The following CAPN15 variants were observed in gnomAD, a reference collection of about 807,000 sequenced individuals.
CAPN15 encodes the protein calpain-15.
A neutral mutation model predicts 97.9 loss-of-function variants in CAPN15; 53 were observed. That is an observed-to-expected ratio of 0.54 (90% CI 0.43 to 0.68). CAPN15 has a LOEUF of 0.68. CAPN15 is among the 30% of genes least tolerant of loss of function. The pLI, the probability that CAPN15 is intolerant of heterozygous loss-of-function variation, is 0.00. For synonymous variants in CAPN15, 922 were observed against 722.5 expected (o/e 1.28, Z -4.43); for missense variants, 1,592 against 1,589.8 (o/e 1.00, Z -0.02).
In CAPN15 at chr16:532,271, C is replaced by T. The variant is rs188290511; in HGVS notation, c.-189-1675C>T. ...AAAAAAAAGAAAAAAAAGTAGAATT[C>T]GGTTGGGCTCAGTGGCTCATGCGTG... On this transcript the variant is annotated intron_variant, in intron 1 of 13. Coordinates refer to ENST00000219611, the MANE Select transcript of CAPN15 (RefSeq NM_005632.3). 1.4e-3 allele frequency among the ~76,000 whole-genome samples: 215 copies of T among 148,634 alleles called. 1 individual carries two copies. Among genetic ancestry groups the T allele is most frequent in the African/African-American group, 5.1e-3 (205 of 40,216 alleles).
Position 535,974 on chromosome 16 carries a change from C to A in CAPN15, c.-136-55C>A. ...CTGCTGTCCCTCGGCCTGGCCTGGG[C>A]ACACTCCTTGGTGACAGTGCCCCTG... On this transcript the variant is annotated intron_variant, in intron 2 of 13. Transcript: ENST00000219611. The surrounding 1 kb of genome is among the most constrained non-coding windows in gnomAD (Gnocchi z 6.2). 3.8e-6 allele frequency: 2 copies of A among 523,502 alleles called. No homozygotes were observed. Among genetic ancestry groups the A allele is most frequent in the Non-Finnish European group, 4.8e-6 (2 of 418,674 alleles). The allele number at this position is 523,502 out of a possible 1,614,324, so 32.4% of individuals were successfully genotyped here. A position where few individuals can be genotyped will look rare whatever the true frequency, so the allele number is the denominator to read the frequency against.
chr16:544,471 C>A (rs78069676), intron 3 of CAPN15, among the ~76,000 whole-genome samples: 1 of 152,128 alleles, frequency 6.6e-6, no homozygotes, highest in East Asian at 1.9e-4. Context: ...CAGTCACAGG[C>A]CCGCGGCCTC....
intron 1 of CAPN15, among the ~76,000 whole-genome samples, chr16:529,450 G>T (rs554458582): frequency 6.6e-6 from 1 of 152,226 alleles, no homozygotes; most frequent in Non-Finnish European, 1.5e-5. Context: ...ACCGAAGCTG[G>T]AGACAGCTGT....
At position 547,591 on chromosome 16, in the gene CAPN15, TC is replaced by T; in HGVS notation, c.760del (p.Gln254SerfsTer33). 4.4e-6 allele frequency: 7 copies of T among 1,574,302 alleles called. No homozygotes were observed. Among genetic ancestry groups the T allele is most frequent in the Admixed American group, 1.7e-5 (1 of 58,542 alleles). On this transcript the variant is annotated frameshift_variant, in exon 4 of 14. Coordinates refer to ENST00000219611, the MANE Select transcript of CAPN15 (RefSeq NM_005632.3). LOFTEE classifies it high-confidence loss of function. ...NPVPRSRREVPPQLQPPVPEA... is the reference protein window; with the variant it reads ...NPVPRSRREVXPQLQPPVPEA... ...CCGTGCCGCGCAGCCGACGCGAGGT[TC>T]CCCCCCAGCTGCAGCCACCGGTGCC...
chr16:533,453 G>A (rs1309599604), intron 1 of CAPN15, among the ~76,000 whole-genome samples: 1 of 152,160 alleles, frequency 6.6e-6, no homozygotes, highest in Non-Finnish European at 1.5e-5. Flanking sequence ...CTCGGGCTGG[G>A]GTCCGGGGGA....
chr16:548,936 G>A, intron 4 of CAPN15, 57 bp from the exon 5 acceptor site: 1 of 1,536,120 alleles, frequency 6.5e-7, no homozygotes, highest in Admixed American at 1.7e-5. Flanking sequence ...TCTTGTCCCT[G>A]CCAGGTGGAG....
Position 551,552 on chromosome 16 carries a change from A to G in CAPN15, c.2233A>G (p.Asn745Asp), listed in dbSNP as rs2035079800. Reference protein sequence around the residue: ...LRNPWGRFSWNGSWSDEWPHW... With the variant: ...LRNPWGRFSWDGSWSDEWPHW... ...AAACCCGTGGGGCCGTTTCTCCTGGAACGGCAGCTGGTCCGACGAGTGGCC... is the reference window on the plus strand; with the variant it reads ...AAACCCGTGGGGCCGTTTCTCCTGGGACGGCAGCTGGTCCGACGAGTGGCC... Residue 745 changes from asparagine to aspartate, a missense_variant, in exon 9 of 14, where the codon AAC becomes GAC. Transcript: ENST00000219611. 6.2e-7 allele frequency: 1 copy of G among 1,611,648 alleles called. No homozygotes were observed. Among genetic ancestry groups the G allele is most frequent in the Admixed American group, 1.7e-5 (1 of 60,004 alleles).
chr16:549,242 G>GGGGGGGGGGGT, intron 5 of CAPN15, 41 bp downstream of exon 5: 1 of 298,896 alleles, frequency 3.3e-6, no homozygotes, highest in Admixed American at 4.7e-5. Flanking sequence ...GGGTGGGCGG[G>GGGGGGGGGGGT]CGACCGGCCG....
At chr16:534,778 C>A (rs983689764) in intron 2 of CAPN15, among the ~76,000 whole-genome samples, 2 of 152,182 alleles carry the variant, frequency 1.3e-5, no homozygotes, top group African/African-American at 4.8e-5. Flanking sequence ...GACACAGGGG[C>A]CCCCGCTTTC....
intron 3 of CAPN15, among the ~76,000 whole-genome samples, chr16:546,346 C>G (rs982090739): frequency 6.6e-6 from 1 of 152,254 alleles, no homozygotes; most frequent in Non-Finnish European, 1.5e-5. Context: ...GTCTCGGAGG[C>G]TGTGCTGTGG....
At chr16:545,353 C>G (rs2034512629) in intron 3 of CAPN15, among the ~76,000 whole-genome samples, 1 of 152,034 alleles carries the variant, frequency 6.6e-6, no homozygotes, top group Non-Finnish European at 1.5e-5. Flanking sequence ...TGACCCCTGA[C>G]CCCTGGCCCC....
In CAPN15 at chr16:552,070, A is replaced by C; in HGVS notation, c.2365A>C (p.Ile789Leu). Residue 789 changes from isoleucine (I) to leucine (L), a missense_variant, in exon 10 of 14, where the codon ATC (isoleucine) becomes CTC (leucine). By Grantham distance (5) the Ile-to-Leu change is conservative. Coordinates refer to ENST00000219611, the MANE Select transcript of CAPN15 (RefSeq NM_005632.3). The surrounding 1 kb of genome is among the most constrained non-coding windows in gnomAD (Gnocchi z 6.4). ...CTGCAGGTACTTCGACTCCGTGGAC[A>C]TCTGTAAGGTGCACTCGGACTGGCA... ...DFVRYFDSVDICKVHSDWQEA... is the reference protein window; with the variant it reads ...DFVRYFDSVDLCKVHSDWQEA... 2 of 1,549,038 alleles carry C rather than the reference A, an allele frequency of 1.3e-6. No homozygotes were observed. Among genetic ancestry groups the C allele is most frequent in the Non-Finnish European group, 1.7e-6 (2 of 1,146,900 alleles).
chr16:551,278 G>A (rs199679709), intron 7 of CAPN15, 24 bp from the exon 8 acceptor site: 14 of 1,558,894 alleles, frequency 9.0e-6, no homozygotes, highest in South Asian at 2.3e-5. Flanking sequence ...GGTCCCGGTC[G>A]GTGAGGGCCG....
chr16:552,337 G>GTGCATCC lies in CAPN15; in HGVS notation c.2547_2553dup (p.Val852HisfsTer24). 6.3e-7 allele frequency: 1 copy of GTGCATCC among 1,587,382 alleles called. No homozygotes were observed. Among genetic ancestry groups the GTGCATCC allele is most frequent in the Non-Finnish European group, 8.5e-7 (1 of 1,171,816 alleles). On this transcript the variant is annotated frameshift_variant, in exon 11 of 14. Coordinates refer to ENST00000219611, the MANE Select transcript of CAPN15 (RefSeq NM_005632.3). LOFTEE classifies it high-confidence loss of function. The surrounding 1 kb of genome is among the most constrained non-coding windows in gnomAD (Gnocchi z 6.4). ...CCGTGGACAGCCACCTGCTGGACCT[G>GTGCATCC]TGCATCCTGGTGTTCCGGGCCACGT... is the stretch of plus-strand genomic sequence containing the variant.
rs572003179 is a variant in CAPN15, at chr16:547,408, G to C, written c.570G>C (p.Pro190=). The change falls in exon 4 of 14, where the codon CCG becomes CCC. Residue 190 remains proline (P), a synonymous_variant. Transcript: ENST00000219611. ...EALVVPEVVA[P]AGFHVVPAAP... is the part of the protein sequence containing the mutation. ...TGGTGGTCCCGGAAGTGGTGGCCCC[G>C]GCCGGCTTCCACGTCGTGCCTGCCG... 1.9e-3 allele frequency: 2,911 copies of C among 1,568,770 alleles called. 8 individuals carry two copies. The highest frequency in any genetic ancestry group is 2.3e-3 in the Non-Finnish European group (2,692 of 1,164,888).
At position 532,588 on chromosome 16, in the gene CAPN15, C is replaced by T. The variant is rs1187113007; in HGVS notation, c.-189-1358C>T. 3.3e-5 allele frequency among the ~76,000 whole-genome samples: 5 copies of T among 150,366 alleles called. No homozygotes were observed. The East Asian group carries it at 5.9e-4, about 18-fold the overall frequency. On this transcript the variant is annotated intron_variant, in intron 1 of 13. Transcript: ENST00000219611. Reference sequence around the variant, plus strand: ...AAAAAAAGCCAGCCGCTGTGGCTCACGCCTGTAATCCCAGCACTTTGGGAG... The same window carrying T: ...AAAAAAAGCCAGCCGCTGTGGCTCATGCCTGTAATCCCAGCACTTTGGGAG...
intron 1 of CAPN15, among the ~76,000 whole-genome samples, chr16:530,005 C>G (rs537106386): frequency 6.6e-6 from 1 of 152,220 alleles, no homozygotes. Context: ...GCAGGAGTGC[C>G]CAGAAGCCCA....
intron 3 of CAPN15, among the ~76,000 whole-genome samples, chr16:540,892 G>T (rs1412728693): frequency 6.6e-6 from 1 of 152,244 alleles, no homozygotes; most frequent in East Asian, 1.9e-4. Context: ...TCTGGAGGCA[G>T]TCCAGGTGGT....
At chr16:543,986 G>A (rs960562931) in intron 3 of CAPN15, among the ~76,000 whole-genome samples, 5 of 152,184 alleles carry the variant, frequency 3.3e-5, no homozygotes, top group Non-Finnish European at 4.4e-5. Flanking sequence ...GCGGCCATGC[G>A]GCCATGCGGC....
Sources: allele counts gnomAD v4.1 joint callset (sites outside exome capture counted in the v4.1 genomes callset), GRCh38; gene constraint gnomAD v4.1.1; non-coding constraint Gnocchi (gnomAD v3.1); transcripts MANE v1.5; gene names NCBI Gene and HGNC (gene_info 2026-07-23, HGNC 2026-07-21).